Variants in APH1A observed in about 807,000 individuals in gnomAD.
The protein encoded by APH1A is gamma-secretase subunit APH-1A.
APH1A carries 16 observed loss-of-function variants against 30.3 expected under a neutral mutation model. That is an observed-to-expected ratio of 0.53 (90% confidence interval 0.36 to 0.80). The LOEUF (loss-of-function observed/expected upper bound fraction) is 0.80, where lower values mean the gene tolerates loss of function less well. Among genes scored for constraint, APH1A ranks in the 30% least tolerant of loss-of-function variants. The pLI is 0.01. For synonymous variants in APH1A, 144 were observed against 140.1 expected (o/e 1.03, Z -0.20); for missense variants, 245 against 337.8 (o/e 0.73, Z 2.15).
chr1:150,267,906 CATAGTGCAG>C (rs782547733), intron 2 of APH1A, 42 bp downstream of exon 2: 1 of 1,612,672 alleles, frequency 6.2e-7, no homozygotes, highest in African/African-American at 1.3e-5. Context: ...CCCCACTTCC[CATAGTGCAG>C]TCCTTTGCCC....
rs1553849983 is a variant in APH1A, at chr1:150,266,648, C to A, written c.618G>T (p.Leu206=). 5 of 1,613,952 alleles carry A rather than the reference C, an allele frequency of 3.1e-6. No individual in the cohort carries two copies. Among genetic ancestry groups the A allele is most frequent in the Non-Finnish European group, 4.2e-6 (5 of 1,179,928 alleles). ...SHLLTSGLTF[L]NPWYEASLLP... is the part of the protein sequence containing the mutation. Reference sequence around the variant, plus strand: ...GCAGGCTGGCCTCATACCAGGGGTTCAGGAATGTCTAGGAAGGAGGGTAAG... The same window carrying A: ...GCAGGCTGGCCTCATACCAGGGGTTAAGGAATGTCTAGGAAGGAGGGTAAG... Residue 206 remains leucine (L), a synonymous_variant, in exon 6 of 7, where the codon CTG becomes CTT. Coordinates refer to ENST00000369109, the MANE Select transcript of APH1A (RefSeq NM_001077628.3).
rs1476928301 is a variant in APH1A, at chr1:150,268,407, A to C, written c.114-280T>G. The C allele has an allele frequency of 1.0e-5, 6 of 590,006 alleles. No individual in the cohort carries two copies. In the East Asian group the frequency reaches 1.8e-4, roughly 17 times the overall value. 36.5% of individuals were successfully genotyped at this position (590,006 alleles called of 1,614,324 possible). A position where few individuals can be genotyped will look rare whatever the true frequency, so the allele number is the denominator to read the frequency against. On this transcript the variant is annotated intron_variant, in intron 1 of 6. Coordinates refer to ENST00000369109, the MANE Select transcript of APH1A (RefSeq NM_001077628.3). ...GTATCCGTTCCTGGATCCTCCCCTA[A>C]GGCACCTGACTCGGCCTGCCTAGGT...
chr1:150,266,798 A>T, intron 5 of APH1A, 142 bp from the exon 6 acceptor site: 4 of 1,165,970 alleles, frequency 3.4e-6, no homozygotes, highest in Non-Finnish European at 4.7e-6. Context: ...TCTTGTGGTT[A>T]AGGGGACTTT....
At chr1:150,266,914 G>T in intron 5 of APH1A, 161 bp downstream of exon 5, 1 of 1,228,948 alleles carries the variant, frequency 8.1e-7, no homozygotes, top group Non-Finnish European at 1.1e-6. Context: ...CCCAGAGCAG[G>T]TGATAGAAAT....
intron 6 of APH1A, 136 bp downstream of exon 6, chr1:150,266,397 G>A: frequency 2.6e-6 from 4 of 1,519,840 alleles, no homozygotes; most frequent in South Asian, 2.6e-5. Context: ...CAAAACCCTG[G>A]AGGTAGTGGG....
At position 150,267,734 on chromosome 1, in the gene APH1A, T is replaced by C; in HGVS notation, c.340A>G (p.Ile114Val). Reference sequence around the variant, plus strand: ...GGCTCACCATAGGCCATCTGGCGGATGGAGATGGGTGATCTTCCGTCCTCA... The same window carrying C: ...GGCTCACCATAGGCCATCTGGCGGACGGAGATGGGTGATCTTCCGTCCTCA... ...LSEDGRSPIS[I>V]RQMAYVSGLS... Residue 114 changes from isoleucine to valine, a missense_variant, in exon 3 of 7, where the codon ATC (isoleucine) becomes GTC (valine). Coordinates refer to ENST00000369109, the MANE Select transcript of APH1A (RefSeq NM_001077628.3). 1 of 1,609,688 alleles carries C rather than the reference T, an allele frequency of 6.2e-7. No individual in the cohort carries two copies. The highest frequency in any genetic ancestry group is 8.5e-7 in the Non-Finnish European group (1 of 1,178,154).
intron 5 of APH1A, 78 bp downstream of exon 5, chr1:150,266,997 T>C: frequency 6.3e-7 from 1 of 1,581,972 alleles, no homozygotes; most frequent in African/African-American, 1.4e-5. Flanking sequence ...TGTTAAGAAG[T>C]GAGGATACCC....
Position 150,267,697 on chromosome 1 carries a change from T to C in APH1A, c.358+19A>G. Reference sequence around the variant, plus strand: ...GGGGCTGTCCAACTCCCTCCTCCAGTCCCTCTCCCTTGGCTCACCATAGGC... The same window carrying C: ...GGGGCTGTCCAACTCCCTCCTCCAGCCCCTCTCCCTTGGCTCACCATAGGC... On this transcript the variant is annotated intron_variant, in intron 3 of 6. Coordinates refer to ENST00000369109, the MANE Select transcript of APH1A (RefSeq NM_001077628.3). 6.2e-7 allele frequency: 1 copy of C among 1,606,228 alleles called. No individual in the cohort carries two copies. The highest frequency in any genetic ancestry group is 8.5e-7 in the Non-Finnish European group (1 of 1,176,016).
At chr1:150,268,668 T>C in intron 1 of APH1A, 30 bp downstream of exon 1, 2 of 1,588,010 alleles carry the variant, frequency 1.3e-6, no homozygotes, top group South Asian at 2.3e-5. Context: ...TCTTCGACGC[T>C]CTCCCGCGTC....
chr1:150,268,448 A>C (rs1356802487), intron 1 of APH1A: 13 of 587,648 alleles, frequency 2.2e-5, no homozygotes, highest in Non-Finnish European at 3.6e-5. Flanking sequence ...CAGCCCCCTC[A>C]CGAGTCTCGG....
Position 150,266,150 on chromosome 1 carries a change from G to A in APH1A, c.778C>T (p.Arg260Cys), listed in dbSNP as rs370719475. 6 of 1,602,192 alleles carry A rather than the reference G, an allele frequency of 3.7e-6. No homozygotes were observed. Among genetic ancestry groups the A allele is most frequent in the Non-Finnish European group, 5.1e-6 (6 of 1,174,432 alleles). ...DSRVMVYSAL[R>C]IPPED ...TTCCCTCAGTCCTCGGGTGGGATGC[G>A]CAGGGCAGAATACACCATCACCCGA... Residue 260 changes from arginine (R) to cysteine (C), a missense_variant, in exon 7 of 7, where the codon CGC becomes TGC. Physicochemically the swap from Arg to Cys is radical, Grantham distance 180 (BLOSUM62 -3). Coordinates refer to ENST00000369109, the MANE Select transcript of APH1A (RefSeq NM_001077628.3).
At position 150,268,824 on chromosome 1, in the gene APH1A, G is replaced by A. The variant is rs1241675708; in HGVS notation, c.-14C>T. 1 of 1,607,100 alleles carries A rather than the reference G, an allele frequency of 6.2e-7. No homozygotes were observed. Among genetic ancestry groups the A allele is most frequent in the South Asian group, 1.1e-5 (1 of 90,210 alleles). On this transcript the variant is annotated 5_prime_UTR_variant, in exon 1 of 7. Transcript: ENST00000369109. ...CGCAGCCCCCATGGCTGGTCAGGTG[G>A]GAAGGGGGGTGGGGGCCTGACCAGG...
intron 6 of APH1A, 75 bp from the exon 7 acceptor site, chr1:150,266,269 A>G: frequency 6.5e-7 from 1 of 1,536,582 alleles, no homozygotes; most frequent in South Asian, 1.2e-5. Flanking sequence ...CCTGGACACA[A>G]CAAGGGGGTC....
Position 150,268,125 on chromosome 1 carries a change from G to GC in APH1A, c.115dup (p.Ala39GlyfsTer57). On this transcript the variant is annotated frameshift_variant and splice_region_variant, in exon 2 of 7. Coordinates refer to ENST00000369109, the MANE Select transcript of APH1A (RefSeq NM_001077628.3). LOFTEE classifies it high-confidence loss of function. ...GAGCAGGGAGACCAGCCAGAAAAAT[G>GC]CCCTGAGAAAAGACAGGGGCAGTGA... The GC allele has an allele frequency of 6.2e-7, 1 of 1,613,590 alleles. No individual in the cohort carries two copies. The highest frequency in any genetic ancestry group is 8.5e-7 in the Non-Finnish European group (1 of 1,179,806).
chr1:150,267,057 C>A lies in APH1A; in HGVS notation c.609+18G>T. Reference sequence around the variant, plus strand: ...TAAATGCTTTTCTCCCTAACTCAGGCCCCTGTCTCCAACTCACCAGTCCCG... The same window carrying A: ...TAAATGCTTTTCTCCCTAACTCAGGACCCTGTCTCCAACTCACCAGTCCCG... On this transcript the variant is annotated intron_variant, in intron 5 of 6. Coordinates refer to ENST00000369109, the MANE Select transcript of APH1A (RefSeq NM_001077628.3). The A allele has an allele frequency of 6.2e-7, 1 of 1,613,986 alleles. No homozygotes were observed. Among genetic ancestry groups the A allele is most frequent in the Non-Finnish European group, 8.5e-7 (1 of 1,179,904 alleles).
chr1:150,267,201 G>C lies in APH1A; in HGVS notation c.483C>G (p.Ala161=). 3 of 1,614,214 alleles carry C rather than the reference G, an allele frequency of 1.9e-6. No individual in the cohort carries two copies. Among genetic ancestry groups the C allele is most frequent in the Non-Finnish European group, 2.5e-6 (3 of 1,180,046 alleles). ...GDSPYYFLTS[A]FLTAAIILLH... ...GCAGGATAATGGCTGCTGTCAGAAA[G>C]GCTGCAGGGAGGGAGATGGGGAGGA... The change falls in exon 5 of 7, where the codon GCC becomes GCG. Residue 161 remains alanine, a splice_region_variant and synonymous_variant. Transcript: ENST00000369109.
chr1:150,267,100 C>G lies in APH1A; in HGVS notation c.584G>C (p.Gly195Ala). ...CAGTCCCGATGTCAGTAGGTGACTCCCAACCACCAGGCCCAAAGCCCAGTA... is the reference window on the plus strand; with the variant it reads ...CAGTCCCGATGTCAGTAGGTGACTCGCAACCACCAGGCCCAAAGCCCAGTA... ...RRYWALGLVV[G>A]SHLLTSGLTF... Residue 195 changes from glycine (G) to alanine (A), a missense_variant, in exon 5 of 7, where the codon GGG becomes GCG. Transcript: ENST00000369109. The G allele has an allele frequency of 1.2e-6, 2 of 1,614,170 alleles. No individual in the cohort carries two copies. The highest frequency in any genetic ancestry group is 4.5e-5 in the East Asian group (2 of 44,888).
At chr1:150,266,450 C>T (rs11548265) in intron 6 of APH1A, 83 bp downstream of exon 6, 7 of 1,592,988 alleles carry the variant, frequency 4.4e-6, no homozygotes, top group African/African-American at 2.7e-5. Context: ...GCAATGGACC[C>T]GGGCTGGGGC....
In APH1A at chr1:150,266,092, G is replaced by A; in HGVS notation, c.*38C>T. The A allele has an allele frequency of 6.4e-7, 1 of 1,562,962 alleles. No homozygotes were observed. The highest frequency in any genetic ancestry group is 8.7e-7 in the Non-Finnish European group (1 of 1,153,084). On this transcript the variant is annotated 3_prime_UTR_variant, in exon 7 of 7. Transcript: ENST00000369109. ...GAGAAATACAGGGCGAGGACATCAG[G>A]AGGGCACCCCAGGCCCAGGGGTCCC...
Sources: allele counts gnomAD v4.1 joint callset, GRCh38; gene constraint gnomAD v4.1.1; transcripts MANE v1.5; gene names NCBI Gene and HGNC (gene_info 2026-07-23, HGNC 2026-07-21).